The following KCNJ3 variants were observed in gnomAD, a reference collection of about 807,000 sequenced individuals.
KCNJ3 encodes the protein G protein-activated inward rectifier potassium channel 1.
Under a neutral mutation model 39.2 loss-of-function variants are expected in KCNJ3, and 4 were observed. The ratio of observed to expected loss-of-function variants is 0.10; its 90% CI spans 0.05 to 0.23. KCNJ3 has a LOEUF of 0.23. Ranked by LOEUF, KCNJ3 falls within the 10% of genes least tolerant of loss-of-function variation. The pLI, the probability that KCNJ3 is intolerant of heterozygous loss-of-function variation, is 1.00. For missense variants in KCNJ3, 276 were observed against 634.9 expected (o/e 0.43, Z 6.08); for synonymous variants, 230 against 237.4 (o/e 0.97, Z 0.29).
chr2:154,748,872 T>C (rs1685791819), intron 2 of KCNJ3, among the ~76,000 whole-genome samples: 1 of 152,232 alleles, frequency 6.6e-6, no homozygotes, highest in Non-Finnish European at 1.5e-5. Context: ...ACGGACATAT[T>C]AACAGTTATC....
At chr2:154,832,424 T>C (rs1687379713) in intron 2 of KCNJ3, among the ~76,000 whole-genome samples, 1 of 152,230 alleles carries the variant, frequency 6.6e-6, no homozygotes, top group Admixed American at 6.5e-5. Flanking sequence ...TGTTTCTCTT[T>C]GTTTGATGGT....
intron 2 of KCNJ3, among the ~76,000 whole-genome samples, chr2:154,713,911 C>A (rs776296459): frequency 6.6e-6 from 1 of 152,120 alleles, no homozygotes. Context: ...CTATTTTAGA[C>A]CTTTTCTCTC....
intron 2 of KCNJ3, among the ~76,000 whole-genome samples, chr2:154,792,382 G>A (rs1346000227): frequency 2.6e-5 from 4 of 152,080 alleles, no homozygotes; most frequent in African/African-American, 9.7e-5. Context: ...GGGTTGCCCT[G>A]TGGGATTTAG....
intron 2 of KCNJ3, among the ~76,000 whole-genome samples, chr2:154,743,008 A>G (rs1431859967): frequency 1.3e-5 from 2 of 151,874 alleles, no homozygotes; most frequent in African/African-American, 4.8e-5. Context: ...TAATTCTTAC[A>G]TATAGGTCTT....
intron 2 of KCNJ3, among the ~76,000 whole-genome samples, chr2:154,841,855 T>TATC (rs1038771621): frequency 5.9e-5 from 9 of 152,192 alleles, no homozygotes; most frequent in South Asian, 2.1e-4. Flanking sequence ...TCTAGCTGTC[T>TATC]ATCAATTTTG....
chr2:154,842,862 G>A (rs1408846606), intron 2 of KCNJ3, among the ~76,000 whole-genome samples: 1 of 151,932 alleles, frequency 6.6e-6, no homozygotes, highest in Non-Finnish European at 1.5e-5. Flanking sequence ...TCTCAATACA[G>A]CACACTGATG....
intron 2 of KCNJ3, among the ~76,000 whole-genome samples, chr2:154,784,620 A>G (rs1172803599): frequency 1.3e-5 from 2 of 152,134 alleles, no homozygotes; most frequent in Non-Finnish European, 1.5e-5. Context: ...TGATCTCGTG[A>G]TCTACCCATC....
chr2:154,748,785 T>A (rs1213401173), intron 2 of KCNJ3, among the ~76,000 whole-genome samples: 1 of 152,088 alleles, frequency 6.6e-6, no homozygotes, highest in African/African-American at 2.4e-5. Flanking sequence ...AGAAGACAGA[T>A]CAACATACTA....
chr2:154,807,350 C>T (rs1237903883), intron 2 of KCNJ3, among the ~76,000 whole-genome samples: 1 of 152,182 alleles, frequency 6.6e-6, no homozygotes, highest in East Asian at 1.9e-4. Context: ...ACACACATAG[C>T]ACCCTTGGAG....
intron 2 of KCNJ3, among the ~76,000 whole-genome samples, chr2:154,835,062 A>G (rs1687430767): frequency 6.6e-6 from 1 of 151,780 alleles, no homozygotes; most frequent in Non-Finnish European, 1.5e-5. Flanking sequence ...ATTTGGCTTA[A>G]AGCATTTCTG....
At chr2:154,777,764 C>T (rs997353001) in intron 2 of KCNJ3, among the ~76,000 whole-genome samples, 2 of 152,016 alleles carry the variant, frequency 1.3e-5, no homozygotes, top group African/African-American at 4.8e-5. Flanking sequence ...TCGCATAAAC[C>T]TACTGAATTT....
At chr2:154,843,962 T>C (rs1687622162) in intron 2 of KCNJ3, among the ~76,000 whole-genome samples, 1 of 152,216 alleles carries the variant, frequency 6.6e-6, no homozygotes, top group Non-Finnish European at 1.5e-5. Flanking sequence ...TCAAAGTCGT[T>C]CTCCATCCAG....
chr2:154,728,126 A>T (rs1480233056), intron 2 of KCNJ3, among the ~76,000 whole-genome samples: 1 of 151,872 alleles, frequency 6.6e-6, no homozygotes, highest in Non-Finnish European at 1.5e-5. Flanking sequence ...TCTTCTTTTG[A>T]TTATATCAAA....
chr2:154,823,296 T>C (rs1251985043), intron 2 of KCNJ3, among the ~76,000 whole-genome samples: 4 of 151,882 alleles, frequency 2.6e-5, no homozygotes, highest in African/African-American at 7.3e-5. Context: ...GTTGATGTTT[T>C]GATAGAGAAT....
intron 2 of KCNJ3, among the ~76,000 whole-genome samples, chr2:154,780,335 T>G (rs2105202830): frequency 6.6e-6 from 1 of 152,312 alleles, no homozygotes; most frequent in South Asian, 2.1e-4. Context: ...ATATGACTGC[T>G]GGATAGAGAA....
intron 2 of KCNJ3, among the ~76,000 whole-genome samples, chr2:154,772,732 A>G (rs768701488): frequency 1.3e-5 from 2 of 152,070 alleles, no homozygotes; most frequent in Non-Finnish European, 2.9e-5. Flanking sequence ...GTCATTCTGC[A>G]TTATTGTCCT....
intron 2 of KCNJ3, among the ~76,000 whole-genome samples, chr2:154,842,951 T>G (rs1344839114): frequency 6.6e-6 from 1 of 152,202 alleles, no homozygotes; most frequent in Non-Finnish European, 1.5e-5. Flanking sequence ...AAGGTTAATA[T>G]TGTTATGTGT....
intron 2 of KCNJ3, among the ~76,000 whole-genome samples, chr2:154,824,818 T>C (rs1687241811): frequency 6.6e-6 from 1 of 152,192 alleles, no homozygotes; most frequent in African/African-American, 2.4e-5. Context: ...AGATGGCTTA[T>C]ATAAAAAAAC....
At chr2:154,824,373 T>A (rs1366116050) in intron 2 of KCNJ3, among the ~76,000 whole-genome samples, 1 of 152,084 alleles carries the variant, frequency 6.6e-6, no homozygotes, top group Non-Finnish European at 1.5e-5. Context: ...TACCCTATAC[T>A]TGAGAATATA....
Sources: gnomAD v4.1 joint callset for allele counts (sites outside exome capture counted in the v4.1 genomes callset) on GRCh38, gnomAD v4.1.1 for gene constraint, MANE v1.5 for transcripts, NCBI Gene and HGNC (gene_info 2026-07-23, HGNC 2026-07-21) for gene names.